The following RNF17 variants were observed in gnomAD, a reference collection of about 807,000 sequenced individuals.
RNF17 encodes ring finger protein 17, also known as spermatogenesis associated 23.
In RNF17, 31 loss-of-function variants were observed where a neutral mutation model predicts 200.5. The observed-to-expected ratio is 0.15, with a 90% CI of 0.12 to 0.21. RNF17 has a LOEUF of 0.21. RNF17 is among the 10% of genes least tolerant of loss of function. The pLI is 1.00. For missense variants in RNF17, 1,628 were observed against 1,905.1 expected (o/e 0.85, Z 2.71); for synonymous variants, 606 against 637.8 (o/e 0.95, Z 0.75).
At chr13:24,869,881 C>T (rs927981920) in intron 31 of RNF17, among the ~76,000 whole-genome samples, 1 of 151,810 alleles carries the variant, frequency 6.6e-6, no homozygotes, top group Non-Finnish European at 1.5e-5. Flanking sequence ...ATTCCTCCTG[C>T]CTCAGGCTCC....
At position 24,825,666 on chromosome 13, in the gene RNF17, C is replaced by G. The variant is rs772181953; in HGVS notation, c.2139C>G (p.Phe713Leu). ...ILFLLKTIEE[F>L]YKSEDGENLE... ...TTCTATTAAAGACAATCGAGGAATT[C>G]TATAAAAGTGAAGATGGAGAAAATC... Residue 713 changes from phenylalanine (F) to leucine (L), a missense_variant, in exon 16 of 36, where the codon TTC (phenylalanine) becomes TTG (leucine). Phe to Leu is a conservative substitution (Grantham distance 22). Coordinates refer to ENST00000255324, the MANE Select transcript of RNF17 (RefSeq NM_031277.3). 6.2e-6 allele frequency: 10 copies of G among 1,607,104 alleles called. No individual in the cohort carries two copies. The Admixed American group carries it at 1.2e-4, about 19-fold the overall frequency.
intron 33 of RNF17, among the ~76,000 whole-genome samples, chr13:24,874,835 TTAAG>T (rs1894686953): frequency 6.6e-6 from 1 of 152,214 alleles, no homozygotes; most frequent in South Asian, 2.1e-4. Context: ...CCTGCACCTG[TTAAG>T]TAATAGGATC....
chr13:24,858,023 ATGTG>A (rs10583487), intron 25 of RNF17, among the ~76,000 whole-genome samples: 3,684 of 152,294 alleles, frequency 0.024, 134 homozygotes, highest in African/African-American at 0.083. Flanking sequence ...CTTTAGGCTT[ATGTG>A]CAAATGCTGC....
chr13:24,808,145 A>G (rs1437236966), intron 15 of RNF17, among the ~76,000 whole-genome samples: 8 of 151,198 alleles, frequency 5.3e-5, no homozygotes, highest in African/African-American at 1.9e-4. Context: ...TTTTGGTTCC[A>G]TATGAACTTT....
At position 24,854,121 on chromosome 13, in the gene RNF17, T is replaced by C; in HGVS notation, c.3587T>C (p.Ile1196Thr). 2 of 1,612,914 alleles carry C rather than the reference T, an allele frequency of 1.2e-6. No homozygotes were observed. Among genetic ancestry groups the C allele is most frequent in the Non-Finnish European group, 1.7e-6 (2 of 1,179,112 alleles). Residue 1196 changes from isoleucine to threonine, a missense_variant, in exon 25 of 36, where the codon ATA becomes ACA. Ile to Thr is a moderately conservative substitution (Grantham distance 89). Coordinates refer to ENST00000255324, the MANE Select transcript of RNF17 (RefSeq NM_031277.3). ...TVSCVGDDGT[I>T]FVVPKLSEFE... ...AGCTGTGTTGGTGATGATGGAACTA[T>C]ATTTGTAGTACCTAAACTATCAGGT... is the stretch of plus-strand genomic sequence containing the variant.
chr13:24,779,641 T>C (rs781311313), intron 4 of RNF17, 26 bp from the exon 5 acceptor site: 1 of 1,555,360 alleles, frequency 6.4e-7, no homozygotes, highest in Non-Finnish European at 8.9e-7. Context: ...GTTTTATATT[T>C]GTATGTGATT....
At chr13:24,832,416 T>C (rs1275926627) in intron 18 of RNF17, among the ~76,000 whole-genome samples, 2 of 152,204 alleles carry the variant, frequency 1.3e-5, no homozygotes, top group Non-Finnish European at 2.9e-5. Flanking sequence ...TGAAAAAAGT[T>C]ATTCCTTTTT....
Position 24,786,343 on chromosome 13 carries a change from A to G in RNF17, c.612-1645A>G, listed in dbSNP as rs140826086. 2.4e-4 allele frequency among the ~76,000 whole-genome samples: 36 copies of G among 152,298 alleles called. No homozygotes were observed. The East Asian group carries it at 6.8e-3, about 29-fold the overall frequency. On this transcript the variant is annotated intron_variant, in intron 6 of 35. Coordinates refer to ENST00000255324, the MANE Select transcript of RNF17 (RefSeq NM_031277.3). ...CTTTATTTTTTCGATGTCACAAATT[A>G]CATTCCTCTATATTGTATACCTGTT...
At chr13:24,812,085 C>G (rs1332688772) in intron 15 of RNF17, among the ~76,000 whole-genome samples, 1 of 150,302 alleles carries the variant, frequency 6.7e-6, no homozygotes, top group African/African-American at 2.4e-5. Flanking sequence ...GAGGTTACTG[C>G]TGTCTTTTTG....
At chr13:24,820,522 G>C (rs1312208101) in intron 15 of RNF17, among the ~76,000 whole-genome samples, 1 of 152,040 alleles carries the variant, frequency 6.6e-6, no homozygotes, top group Non-Finnish European at 1.5e-5. Context: ...GGCAACCTCT[G>C]CCTCCCGGGT....
the RNF17 span, among the ~76,000 whole-genome samples, chr13:24,757,646 A>C: frequency 2.0e-4 from 31 of 152,200 alleles, 1 homozygote; most frequent in Admixed American, 1.9e-3. Flanking sequence ...AAGTATAAAG[A>C]ACATATAATA....
intron 15 of RNF17, among the ~76,000 whole-genome samples, chr13:24,818,095 T>C (rs1022135343): frequency 1.3e-5 from 2 of 152,178 alleles, no homozygotes; most frequent in African/African-American, 2.4e-5. Context: ...TTCATATTCC[T>C]TTGTCTTGAA....
chr13:24,823,055 G>T (rs572498740), intron 15 of RNF17, among the ~76,000 whole-genome samples: 75 of 152,152 alleles, frequency 4.9e-4, no homozygotes, highest in African/African-American at 1.7e-3. Context: ...CTCTTGTTTG[G>T]GATTAAGAGA....
At chr13:24,886,801 A>G in the RNF17 span, among the ~76,000 whole-genome samples, 1 of 152,232 alleles carries the variant, frequency 6.6e-6, no homozygotes, top group Non-Finnish European at 1.5e-5. Flanking sequence ...CTAAGTGGTT[A>G]AATAACCTAC....
In RNF17 at chr13:24,830,573, G is replaced by C; in HGVS notation, c.2335G>C (p.Asp779His). The change falls in exon 17 of 36, where the codon GAT (aspartate) becomes CAT (histidine). Residue 779 changes from aspartate to histidine, a missense_variant. Transcript: ENST00000255324. The part of the protein sequence containing the change: ...ITIKDVRKIK[D>H]EFLNAPEKAI... Reference sequence around the variant, plus strand: ...AATCAAAGACGTGCGTAAAATAAAGGATGAGTTTCTGAATGCCCCAGAGAA... The same window carrying C: ...AATCAAAGACGTGCGTAAAATAAAGCATGAGTTTCTGAATGCCCCAGAGAA... 6.2e-7 allele frequency: 1 copy of C among 1,610,254 alleles called. No individual in the cohort carries two copies.
At chr13:24,863,353 GTACAGA>G (rs1893288518) in intron 28 of RNF17, among the ~76,000 whole-genome samples, 1 of 152,202 alleles carries the variant, frequency 6.6e-6, no homozygotes, top group East Asian at 1.9e-4. Context: ...ATGCACAAAG[GTACAGA>G]GAGACATTTT....
chr13:24,884,173 T>C, downstream of RNF17: 1 of 1,614,170 alleles, frequency 6.2e-7, no homozygotes, highest in Admixed American at 1.7e-5. Context: ...ATTTGTCCAC[T>C]TGAGAAATGT....
intron 15 of RNF17, among the ~76,000 whole-genome samples, chr13:24,806,706 G>A (rs1270328011): frequency 6.6e-6 from 1 of 151,750 alleles, no homozygotes; most frequent in African/African-American, 2.4e-5. Context: ...GTGCAGGTTA[G>A]TTACATATGT....
At chr13:24,783,080 A>G (rs1882646854) in intron 6 of RNF17, among the ~76,000 whole-genome samples, 1 of 152,186 alleles carries the variant, frequency 6.6e-6, no homozygotes, top group Non-Finnish European at 1.5e-5. Context: ...GTATGGCATA[A>G]GGTAAGGATC....
Sources: allele counts gnomAD v4.1 joint callset (sites outside exome capture counted in the v4.1 genomes callset), GRCh38; gene constraint gnomAD v4.1.1; transcripts MANE v1.5; gene names NCBI Gene and HGNC (gene_info 2026-07-23, HGNC 2026-07-21).